Variants in SCMH1 observed in about 807,000 individuals in gnomAD.
SCMH1 encodes the protein polycomb protein SCMH1.
Under a neutral mutation model 70.8 loss-of-function variants are expected in SCMH1, and 37 were observed. The ratio of observed to expected loss-of-function variants is 0.52; its 90% confidence interval spans 0.40 to 0.69. The LOEUF is 0.69. SCMH1 is among the 30% of genes least tolerant of loss of function. SCMH1 has a pLI of 0.00. For missense variants in SCMH1, 607 were observed against 827.3 expected, an observed-to-expected ratio of 0.73 and a Z score of 3.27; for synonymous variants, 292 against 307.4, an observed-to-expected ratio of 0.95 and a Z score of 0.52.
At chr1:41,208,553 T>C (rs1656209417) in intron 1 of SCMH1, among the ~76,000 whole-genome samples, 1 of 151,936 alleles carries the variant, frequency 6.6e-6, no homozygotes, top group African/African-American at 2.4e-5. Context: ...GTAATCAAAT[T>C]AGAACTCAGT....
At chr1:41,105,768 T>C (rs1372753787) in intron 8 of SCMH1, among the ~76,000 whole-genome samples, 1 of 152,208 alleles carries the variant, frequency 6.6e-6, no homozygotes, top group African/African-American at 2.4e-5. Flanking sequence ...GCTTGTTAAC[T>C]GGCATCCCTG....
chr1:41,190,826 G>A (rs1392807774), intron 1 of SCMH1, among the ~76,000 whole-genome samples: 1 of 152,072 alleles, frequency 6.6e-6, no homozygotes, highest in East Asian at 1.9e-4. Context: ...ACCATTTACT[G>A]GCACTGTGGT....
chr1:41,182,788 AC>A (rs1273599090), intron 2 of SCMH1, among the ~76,000 whole-genome samples: 1 of 152,168 alleles, frequency 6.6e-6, no homozygotes, highest in Non-Finnish European at 1.5e-5. Flanking sequence ...GGTACAAACT[AC>A]TGAAACATGG....
intron 2 of SCMH1, among the ~76,000 whole-genome samples, chr1:41,182,051 G>GAAA (rs1648936852): frequency 6.6e-6 from 1 of 152,130 alleles, no homozygotes; most frequent in Non-Finnish European, 1.5e-5. Flanking sequence ...CCTTTGTAGG[G>GAAA]ACATGGATGA....
intron 8 of SCMH1, among the ~76,000 whole-genome samples, chr1:41,105,077 T>C (rs1168987276): frequency 6.6e-6 from 1 of 151,394 alleles, no homozygotes; most frequent in South Asian, 2.1e-4. Flanking sequence ...TGCTTCAATA[T>C]CCGAAGTAGC....
At chr1:41,170,334 G>A (rs933216946) in intron 2 of SCMH1, among the ~76,000 whole-genome samples, 2 of 152,168 alleles carry the variant, frequency 1.3e-5, no homozygotes, top group African/African-American at 4.8e-5. Flanking sequence ...CAATTTTATG[G>A]CACAATGCCC....
chr1:41,088,007 A>G (rs1037455658), intron 8 of SCMH1, among the ~76,000 whole-genome samples: 3 of 146,718 alleles, frequency 2.0e-5, no homozygotes, highest in Non-Finnish European at 3.0e-5. Flanking sequence ...ATTGTAAAAT[A>G]CCAGAAACTA....
intron 8 of SCMH1, among the ~76,000 whole-genome samples, chr1:41,108,874 G>A (rs1158002172): frequency 6.6e-6 from 1 of 152,210 alleles, no homozygotes; most frequent in Non-Finnish European, 1.5e-5. Context: ...CCTCTCACAT[G>A]TAAGAATGAC....
intron 1 of SCMH1, among the ~76,000 whole-genome samples, chr1:41,239,115 T>TAA (rs142580257): frequency 9.3e-4 from 139 of 148,748 alleles, no homozygotes; most frequent in Non-Finnish European, 1.5e-3. Flanking sequence ...TAAATAAAAA[T>TAA]AAAAAAAAAA....
intron 6 of SCMH1, among the ~76,000 whole-genome samples, chr1:41,119,479 CAT>C (rs1480645403): frequency 2.0e-5 from 3 of 151,590 alleles, no homozygotes; most frequent in Non-Finnish European, 4.4e-5. Context: ...CGTAACTCCA[CAT>C]GATTTGGTGG....
At chr1:41,084,259 T>A (rs1166268438) in intron 8 of SCMH1, among the ~76,000 whole-genome samples, 2 of 152,050 alleles carry the variant, frequency 1.3e-5, no homozygotes, top group Admixed American at 1.3e-4. Flanking sequence ...GAATCTACAA[T>A]GAACTTAAAC....
chr1:41,179,976 G>A (rs1280872377), intron 2 of SCMH1, among the ~76,000 whole-genome samples: 2 of 152,112 alleles, frequency 1.3e-5, no homozygotes, highest in Admixed American at 6.5e-5. Context: ...TAAAACACTG[G>A]CAAACCGAAT....
At chr1:41,155,455 A>G (rs213742) in intron 4 of SCMH1, among the ~76,000 whole-genome samples, 97,582 of 149,166 alleles carry the variant, frequency 0.65, 32,761 homozygotes, top group African/African-American at 0.85. Context: ...CTCCACATGG[A>G]GCAAAAACAA....
intron 9 of SCMH1, 94 bp from the exon 10 acceptor site, chr1:41,070,815 T>C (rs898402046): frequency 7.7e-6 from 11 of 1,420,906 alleles, no homozygotes; most frequent in African/African-American, 4.2e-5. Context: ...CAAAAATATA[T>C]TTATGGATGG....
At chr1:41,144,619 T>C (rs889408648) in intron 5 of SCMH1, among the ~76,000 whole-genome samples, 2 of 152,184 alleles carry the variant, frequency 1.3e-5, no homozygotes, top group Non-Finnish European at 2.9e-5. Context: ...TATATACTTA[T>C]GAGTGAAACT....
intron 8 of SCMH1, among the ~76,000 whole-genome samples, chr1:41,085,509 T>C (rs1251279952): frequency 6.6e-6 from 1 of 152,172 alleles, no homozygotes; most frequent in Non-Finnish European, 1.5e-5. Context: ...CTGGAGGTAT[T>C]AACCAAAGTA....
At chr1:41,075,492 T>G (rs766433290) in intron 8 of SCMH1, 41 bp from the exon 9 acceptor site, 1 of 1,529,278 alleles carries the variant, frequency 6.5e-7, no homozygotes, top group African/African-American at 1.4e-5. Context: ...CCCTCCCCCC[T>G]GCATTCTCAT....
intron 1 of SCMH1, among the ~76,000 whole-genome samples, chr1:41,230,160 G>A (rs553505579): frequency 5.3e-5 from 8 of 152,174 alleles, no homozygotes; most frequent in African/African-American, 1.9e-4. Context: ...GATATGATCT[G>A]ATCTGTGGTG....
At chr1:41,227,752 C>G (rs1043984164) in intron 1 of SCMH1, among the ~76,000 whole-genome samples, 7 of 152,048 alleles carry the variant, frequency 4.6e-5, no homozygotes, top group Admixed American at 1.3e-4. Flanking sequence ...GAAGCCGAGG[C>G]GGGCAGATCA....
Sources: gnomAD v4.1 joint callset for allele counts (sites outside exome capture counted in the v4.1 genomes callset) on GRCh38, gnomAD v4.1.1 for gene constraint, MANE v1.5 for transcripts, NCBI Gene and HGNC (gene_info 2026-07-23, HGNC 2026-07-21) for gene names.